The following LRP1B variants were observed in gnomAD, a reference collection of about 807,000 sequenced individuals.
The protein encoded by LRP1B is LDL receptor related protein 1B.
A neutral mutation model predicts 556.6 loss-of-function variants in LRP1B; 217 were observed. The observed-to-expected ratio is 0.39, with a 90% confidence interval of 0.35 to 0.44. The LOEUF is 0.44. Among genes scored for constraint, LRP1B ranks in the 20% least tolerant of loss-of-function variants. The pLI, the probability that LRP1B is intolerant of heterozygous loss-of-function variation, is 1.00. For missense variants in LRP1B, 5,053 were observed against 5,620.8 expected, an observed-to-expected ratio of 0.90 and a Z score of 3.23; for synonymous variants, 2,047 against 1,865.8, an observed-to-expected ratio of 1.10 and a Z score of -2.50.
intron 3 of LRP1B, among the ~76,000 whole-genome samples, chr2:141,349,314 C>T (rs764087490): frequency 2.6e-5 from 4 of 152,024 alleles, no homozygotes; most frequent in Non-Finnish European, 4.4e-5. Context: ...TATGCCAGGG[C>T]CTACTGTGTC....
At chr2:140,302,460 G>A (rs957097797) in intron 83 of LRP1B, among the ~76,000 whole-genome samples, 1 of 152,122 alleles carries the variant, frequency 6.6e-6, no homozygotes, top group African/African-American at 2.4e-5. Context: ...TATTCAAGTT[G>A]CACTCTGTTA....
intron 7 of LRP1B, among the ~76,000 whole-genome samples, chr2:141,111,246 A>G (rs1315376337): frequency 6.6e-6 from 1 of 152,238 alleles, no homozygotes; most frequent in Non-Finnish European, 1.5e-5. Flanking sequence ...CAGAGTTTAT[A>G]TACTTAATGT....
intron 27 of LRP1B, among the ~76,000 whole-genome samples, chr2:140,866,261 C>A (rs1054789138): frequency 2.6e-5 from 4 of 152,098 alleles, no homozygotes; most frequent in Admixed American, 2.6e-4. Flanking sequence ...TACAGCTAAG[C>A]ATTCCTCTGT....
intron 62 of LRP1B, among the ~76,000 whole-genome samples, chr2:140,455,464 A>G (rs2105320306): frequency 6.6e-6 from 1 of 152,352 alleles, no homozygotes; most frequent in South Asian, 2.1e-4. Flanking sequence ...CATTTAAAAG[A>G]TGAGAAAACC....
At chr2:141,153,366 A>C (rs1393229007) in intron 7 of LRP1B, among the ~76,000 whole-genome samples, 10 of 110,128 alleles carry the variant, frequency 9.1e-5, no homozygotes, top group Admixed American at 1.3e-4. Flanking sequence ...ATATATATTT[A>C]TATATAATAA....
chr2:140,407,868 C>T (rs1684811370), intron 66 of LRP1B, among the ~76,000 whole-genome samples: 1 of 151,880 alleles, frequency 6.6e-6, no homozygotes. Context: ...ATGAAAAAGA[C>T]ACATGCACAT....
chr2:141,761,700 G>T (rs1694554046), intron 2 of LRP1B, among the ~76,000 whole-genome samples: 1 of 152,026 alleles, frequency 6.6e-6, no homozygotes, highest in African/African-American at 2.4e-5. Flanking sequence ...TTATTCCTAA[G>T]CCACATTTTC....
At chr2:142,031,944 C>T (rs971942754) in intron 1 of LRP1B, among the ~76,000 whole-genome samples, 2 of 151,860 alleles carry the variant, frequency 1.3e-5, no homozygotes, top group African/African-American at 4.8e-5. Context: ...CCCACACAGA[C>T]TGGAGTCATG....
intron 41 of LRP1B, among the ~76,000 whole-genome samples, chr2:140,604,923 C>T (rs781369457): frequency 1.3e-5 from 2 of 152,140 alleles, no homozygotes. Flanking sequence ...TGTGCCTTTG[C>T]TGTTCTTTCA....
intron 7 of LRP1B, among the ~76,000 whole-genome samples, chr2:141,153,292 TATATA>T (rs1376726143): frequency 7.9e-6 from 1 of 126,034 alleles, no homozygotes; most frequent in African/African-American, 3.0e-5. Context: ...TATATATATT[TATATA>T]TAATATATTA....
At chr2:141,722,702 T>G (rs2105501434) in intron 2 of LRP1B, among the ~76,000 whole-genome samples, 1 of 150,930 alleles carries the variant, frequency 6.6e-6, no homozygotes. Context: ...TCTCTACATA[T>G]AAGACAGATA....
intron 28 of LRP1B, 65 bp from the exon 29 acceptor site, chr2:140,850,394 A>T (rs576340576): frequency 8.7e-6 from 8 of 915,152 alleles, no homozygotes; most frequent in Non-Finnish European, 1.3e-5. Flanking sequence ...TAGAAATTCT[A>T]AAATATTACT....
intron 1 of LRP1B, among the ~76,000 whole-genome samples, chr2:142,014,755 A>T (rs1366366037): frequency 6.6e-6 from 1 of 152,182 alleles, no homozygotes; most frequent in African/African-American, 2.4e-5. Context: ...TGCAAGTGCC[A>T]CAGAGACAAG....
chr2:141,866,179 A>G (rs1558927903), intron 1 of LRP1B, among the ~76,000 whole-genome samples: 1 of 152,202 alleles, frequency 6.6e-6, no homozygotes, highest in Non-Finnish European at 1.5e-5. Context: ...TTATTTATGA[A>G]TAGAAATCCC....
intron 3 of LRP1B, among the ~76,000 whole-genome samples, chr2:141,306,285 T>G (rs1046513754): frequency 3.3e-5 from 5 of 152,162 alleles, no homozygotes; most frequent in Non-Finnish European, 5.9e-5. Context: ...ATGGACTTTT[T>G]TTAATTACTG....
At chr2:141,971,638 C>CAG (rs1017530817) in intron 1 of LRP1B, among the ~76,000 whole-genome samples, 1 of 151,386 alleles carries the variant, frequency 6.6e-6, no homozygotes. Flanking sequence ...ATTTATATTG[C>CAG]AGAGAGAGCC....
intron 1 of LRP1B, among the ~76,000 whole-genome samples, chr2:141,821,380 C>G (rs1175963023): frequency 2.0e-5 from 3 of 152,152 alleles, no homozygotes; most frequent in Non-Finnish European, 4.4e-5. Flanking sequence ...AGGCCTTTTT[C>G]TCCTTAGTCG....
intron 11 of LRP1B, among the ~76,000 whole-genome samples, chr2:141,039,046 A>G (rs1698621501): frequency 6.6e-6 from 1 of 152,100 alleles, no homozygotes; most frequent in Non-Finnish European, 1.5e-5. Flanking sequence ...GGAAAATTCC[A>G]GAAGTAAACA....
At chr2:141,121,877 C>G (rs1465269599) in intron 7 of LRP1B, among the ~76,000 whole-genome samples, 3 of 152,178 alleles carry the variant, frequency 2.0e-5, no homozygotes, top group African/African-American at 4.8e-5. Flanking sequence ...GTAACCAAAA[C>G]AGCATGGTAC....
Sources: allele counts gnomAD v4.1 joint callset (sites outside exome capture counted in the v4.1 genomes callset), GRCh38; gene constraint gnomAD v4.1.1; transcripts MANE v1.5; gene names NCBI Gene and HGNC (gene_info 2026-07-23, HGNC 2026-07-21).